Variants in LEKR1 observed in about 807,000 individuals in gnomAD.
LEKR1 encodes the protein leucine, glutamate and lysine rich 1.
In LEKR1, 59 loss-of-function variants were observed where a neutral mutation model predicts 72.4. The ratio of observed to expected loss-of-function variants is 0.82; its 90% CI spans 0.66 to 1.01. LEKR1 has a LOEUF of 1.01. Among genes scored for constraint, LEKR1 ranks in the 50% least tolerant of loss-of-function variants. The probability of loss-of-function intolerance (pLI) is 0.00; values close to 1 mark genes in which losing one functional copy is unlikely to be tolerated. For missense variants in LEKR1, 728 were observed against 759.2 expected, an observed-to-expected ratio of 0.96 and a Z score of 0.48; for synonymous variants, 257 against 263.2, an observed-to-expected ratio of 0.98 and a Z score of 0.23.
At chr3:157,013,060 G>A (rs940969735) in intron 10 of LEKR1, among the ~76,000 whole-genome samples, 4 of 151,650 alleles carry the variant, frequency 2.6e-5, no homozygotes, top group Non-Finnish European at 4.4e-5. Flanking sequence ...ACTCTTTAAG[G>A]GACTAGAAAT....
At chr3:156,912,881 T>G (rs941190963) in intron 3 of LEKR1, among the ~76,000 whole-genome samples, 5 of 152,314 alleles carry the variant, frequency 3.3e-5, no homozygotes, top group African/African-American at 1.2e-4. Context: ...ACAGGTTCCC[T>G]GGTATGAGTT....
intron 9 of LEKR1, among the ~76,000 whole-genome samples, chr3:156,998,852 G>A (rs543188204): frequency 6.6e-6 from 1 of 151,818 alleles, no homozygotes; most frequent in African/African-American, 2.4e-5. Context: ...TTTCTTTTTA[G>A]TCAAAAGCTA....
chr3:157,032,383 T>C (rs1448420298), intron 12 of LEKR1, among the ~76,000 whole-genome samples: 1 of 152,220 alleles, frequency 6.6e-6, no homozygotes, highest in Non-Finnish European at 1.5e-5. Flanking sequence ...TTAAATGCTA[T>C]AGTTCTTGTA....
At chr3:156,830,997 A>G (rs1251590055) in intron 2 of LEKR1, among the ~76,000 whole-genome samples, 1 of 152,148 alleles carries the variant, frequency 6.6e-6, no homozygotes, top group Non-Finnish European at 1.5e-5. Context: ...TTTTGCAGTA[A>G]AGAAAGTTTA....
Position 157,028,107 on chromosome 3 carries a change from C to G in LEKR1, c.1373C>G (p.Ser458Cys). Residue 458 changes from serine to cysteine, a missense_variant, in exon 12 of 13, where the codon TCT (serine) becomes TGT (cysteine). Physicochemically the swap from Ser to Cys is moderately radical, Grantham distance 112. Transcript: ENST00000356539. ...KEQEELQMKI[S>C]DLITGATRDL... ...AATATGAGATTTATCTTACAGATAT[C>G]TGACTTAATCACAGGCGCTACAAGA... 2 of 1,560,876 alleles carry G rather than the reference C, an allele frequency of 1.3e-6. No individual in the cohort carries two copies. Among genetic ancestry groups the G allele is most frequent in the Non-Finnish European group, 1.7e-6 (2 of 1,154,642 alleles).
In LEKR1 at chr3:157,024,943, C is replaced by T; in HGVS notation, c.1368+19C>T. The stretch of plus-strand genomic sequence containing the variant: ...AATGAAGGTCTGTAATTATGATGTT[C>T]ATCATTATTTAATAGATTTGAAACT... On this transcript the variant is annotated intron_variant, in intron 11 of 12. Transcript: ENST00000356539. 6.6e-7 allele frequency: 1 copy of T among 1,509,902 alleles called. No homozygotes were observed. The highest frequency in any genetic ancestry group is 2.2e-4 in the Middle Eastern group (1 of 4,554). The allele number at this position is 1,509,902 out of a possible 1,614,324, so 93.5% of individuals were successfully genotyped here. A position where few individuals can be genotyped will look rare whatever the true frequency, so the allele number is the denominator to read the frequency against.
intron 7 of LEKR1, among the ~76,000 whole-genome samples, chr3:156,984,879 T>G (rs1730542072): frequency 2.0e-5 from 3 of 152,018 alleles, no homozygotes; most frequent in Admixed American, 6.6e-5. Flanking sequence ...AGCTCTTACT[T>G]GGCCTTTCAA....
At chr3:156,887,014 TC>T (rs1337771165) in intron 3 of LEKR1, among the ~76,000 whole-genome samples, 23 of 152,346 alleles carry the variant, frequency 1.5e-4, no homozygotes, top group Admixed American at 1.3e-3. Flanking sequence ...TAGCTGTGTC[TC>T]CTACCTGCCA....
At chr3:156,992,059 G>A (rs1731178958) in intron 7 of LEKR1, among the ~76,000 whole-genome samples, 1 of 152,280 alleles carries the variant, frequency 6.6e-6, no homozygotes, top group Middle Eastern at 3.4e-3. Context: ...TCTTTAACTA[G>A]GCTGCTTGGA....
At chr3:157,010,085 A>G (rs1243383684) in intron 9 of LEKR1, among the ~76,000 whole-genome samples, 1 of 152,022 alleles carries the variant, frequency 6.6e-6, no homozygotes, top group Non-Finnish European at 1.5e-5. Context: ...TTCTGATATT[A>G]GTAATTTCTG....
At chr3:156,887,148 G>T (rs1576745855) in intron 3 of LEKR1, among the ~76,000 whole-genome samples, 1 of 152,180 alleles carries the variant, frequency 6.6e-6, no homozygotes, top group African/African-American at 2.4e-5. Flanking sequence ...TGTTCCTGGA[G>T]AATTATTTTC....
chr3:156,831,647 A>G (rs1712417775), intron 2 of LEKR1, among the ~76,000 whole-genome samples: 1 of 152,184 alleles, frequency 6.6e-6, no homozygotes, highest in African/African-American at 2.4e-5. Flanking sequence ...GCAACACAGA[A>G]CTTGTGCAGG....
chr3:156,922,393 T>C (rs1724283977), intron 4 of LEKR1, among the ~76,000 whole-genome samples: 1 of 151,550 alleles, frequency 6.6e-6, no homozygotes, highest in Non-Finnish European at 1.5e-5. Context: ...AGGTAAAGGA[T>C]TCGTAGGCCA....
At chr3:157,016,059 A>G (rs745458177) in intron 10 of LEKR1, among the ~76,000 whole-genome samples, 34 of 152,166 alleles carry the variant, frequency 2.2e-4, no homozygotes, top group Non-Finnish European at 4.0e-4. Context: ...ACAAACAAAA[A>G]AAACCTCAGA....
chr3:157,025,417 G>A lies in LEKR1; in HGVS notation c.1368+493G>A, dbSNP rs1048312142. The stretch of plus-strand genomic sequence containing the variant: ...TTCTAAATACTAAAGGTTTTGTTAA[G>A]GTTTTCCTGTTTTTATAGGACTTGA... On this transcript the variant is annotated intron_variant, in intron 11 of 12. Transcript: ENST00000356539. Among the ~76,000 whole-genome samples the A allele has an allele frequency of 3.9e-5, 6 of 152,066 alleles. No homozygotes were observed. In the South Asian group the frequency reaches 1.0e-3, roughly 26 times the overall value.
intron 2 of LEKR1, among the ~76,000 whole-genome samples, chr3:156,848,214 A>T (rs1194224376): frequency 6.6e-6 from 1 of 152,196 alleles, no homozygotes; most frequent in Non-Finnish European, 1.5e-5. Flanking sequence ...TGGATGAATT[A>T]TATTTCTGAG....
At chr3:156,967,897 G>A (rs1176418534) in intron 6 of LEKR1, among the ~76,000 whole-genome samples, 1 of 152,188 alleles carries the variant, frequency 6.6e-6, no homozygotes, top group African/African-American at 2.4e-5. Context: ...TACCCACAAA[G>A]GGAAGCCCAT....
chr3:156,982,922 A>G (rs976730660), intron 7 of LEKR1, among the ~76,000 whole-genome samples: 2 of 151,926 alleles, frequency 1.3e-5, no homozygotes, highest in Non-Finnish European at 2.9e-5. Context: ...AGAGCTAGAG[A>G]CAGGTAGCAT....
At chr3:156,943,703 G>T (rs543020045) in intron 6 of LEKR1, among the ~76,000 whole-genome samples, 4 of 151,950 alleles carry the variant, frequency 2.6e-5, no homozygotes, top group African/African-American at 9.6e-5. Flanking sequence ...AAACACAGAA[G>T]AGAAGGAAGT....
Sources: allele counts gnomAD v4.1 joint callset (sites outside exome capture counted in the v4.1 genomes callset), GRCh38; gene constraint gnomAD v4.1.1; transcripts MANE v1.5; gene names NCBI Gene and HGNC (gene_info 2026-07-23, HGNC 2026-07-21).